EPS15: variants seen among roughly 807,000 people sequenced by gnomAD.
The protein encoded by EPS15 is epidermal growth factor receptor pathway substrate 15.
Under a neutral mutation model 113.8 loss-of-function variants are expected in EPS15, and 72 were observed. The observed-to-expected ratio is 0.63, with a 90% CI of 0.52 to 0.77. The LOEUF is 0.77. Among genes scored for constraint, EPS15 ranks in the 30% least tolerant of loss-of-function variants. The pLI is 0.00. For synonymous variants in EPS15, 344 were observed against 363.4 expected (o/e 0.95, Z 0.61); for missense variants, 1,048 against 1,045.8 (o/e 1.00, Z -0.03).
At position 51,366,154 on chromosome 1, in the gene EPS15, A is replaced by G. The variant is rs1646503668; in HGVS notation, c.2120-125T>C. On this transcript the variant is annotated intron_variant, in intron 21 of 24. Coordinates refer to ENST00000371733, the MANE Select transcript of EPS15 (RefSeq NM_001981.3). The stretch of plus-strand genomic sequence containing the variant: ...ACGATCATGGCTCACTGCAGCCTCA[A>G]TCTCCCAGGCTCAAGTGATCCTCCC... The G allele has an allele frequency of 6.6e-6, 4 of 602,840 alleles. No homozygotes were observed. The South Asian group carries it at 8.8e-5, about 13-fold the overall frequency. 37.3% of individuals were successfully genotyped at this position (602,840 alleles called of 1,614,324 possible).
chr1:51,399,138 C>A lies in EPS15; in HGVS notation c.1946G>T (p.Gly649Val), dbSNP rs1167622071. 3.1e-6 allele frequency: 5 copies of A among 1,613,926 alleles called. No individual in the cohort carries two copies. Among genetic ancestry groups the A allele is most frequent in the Non-Finnish European group, 4.2e-6 (5 of 1,179,932 alleles). Residue 649 changes from glycine (G) to valine (V), a missense_variant, in exon 20 of 25, where the codon GGT (glycine) becomes GTT (valine). Physicochemically the swap from Gly to Val is moderately radical, Grantham distance 109. Coordinates refer to ENST00000371733, the MANE Select transcript of EPS15 (RefSeq NM_001981.3). The part of the protein sequence containing the change: ...IDPFGGDPFK[G>V]SDPFASDCFF... ...ACAGTCTGATGCAAATGGATCTGAA[C>A]CTTTGAAAGGATCACCACCAAATGG...
chr1:51,389,220 C>T lies in EPS15; in HGVS notation c.2119+5161G>A, dbSNP rs1345794280. 2.0e-5 allele frequency among the ~76,000 whole-genome samples: 3 copies of T among 152,314 alleles called. No homozygotes were observed. The East Asian group carries it at 5.8e-4, about 29-fold the overall frequency. ...TAAACAGAACCAAAGACAAAAACCA[C>T]ATGATTATCTCAATAGATGCAGAAA... On this transcript the variant is annotated intron_variant, in intron 21 of 24. Transcript: ENST00000371733.
intron 1 of EPS15, among the ~76,000 whole-genome samples, chr1:51,496,656 T>C (rs955966579): frequency 1.3e-5 from 2 of 152,212 alleles, no homozygotes; most frequent in South Asian, 2.1e-4. Context: ...CTTCATATAA[T>C]TTAGGCCTCA....
intron 21 of EPS15, among the ~76,000 whole-genome samples, chr1:51,377,871 G>A (rs1294854024): frequency 1.3e-5 from 2 of 149,686 alleles, no homozygotes; most frequent in African/African-American, 4.9e-5. Context: ...ATTACAATTT[G>A]TTGAAGGCTC....
intron 8 of EPS15, among the ~76,000 whole-genome samples, chr1:51,454,760 A>T (rs1011720865): frequency 6.6e-6 from 1 of 152,230 alleles, no homozygotes; most frequent in African/African-American, 2.4e-5. Flanking sequence ...AACTGGCGAA[A>T]CCCAAATAAA....
intron 2 of EPS15, among the ~76,000 whole-genome samples, chr1:51,479,279 C>T (rs563568408): frequency 6.6e-6 from 1 of 152,254 alleles, no homozygotes; most frequent in Admixed American, 6.5e-5. Flanking sequence ...TCACGTAGTT[C>T]TCGTGCCATG....
intron 13 of EPS15, among the ~76,000 whole-genome samples, chr1:51,417,944 C>T (rs1458156113): frequency 6.6e-6 from 1 of 152,074 alleles, no homozygotes. Flanking sequence ...AGTAAAGATT[C>T]CCACATCTGA....
chr1:51,513,253 T>C (rs79520183), intron 1 of EPS15, among the ~76,000 whole-genome samples: 6,719 of 152,272 alleles, frequency 0.044, 226 homozygotes, highest in Middle Eastern at 0.11. Flanking sequence ...CACTGCAGCA[T>C]AGTTGTAACA....
At chr1:51,488,992 G>C (rs72691881) in intron 1 of EPS15, among the ~76,000 whole-genome samples, 2 of 151,786 alleles carry the variant, frequency 1.3e-5, no homozygotes, top group East Asian at 3.9e-4. Flanking sequence ...GGAAAACATG[G>C]GAAAAATACA....
chr1:51,387,191 A>C (rs563979896), intron 21 of EPS15, among the ~76,000 whole-genome samples: 2 of 152,330 alleles, frequency 1.3e-5, no homozygotes, highest in Admixed American at 6.5e-5. Context: ...AAGAATTTTC[A>C]ACCCAGAATT....
intron 1 of EPS15, among the ~76,000 whole-genome samples, chr1:51,517,971 A>T (rs1644756030): frequency 6.6e-6 from 1 of 152,166 alleles, no homozygotes; most frequent in Admixed American, 6.5e-5. Flanking sequence ...TGTTTGCCCT[A>T]TCCCAGCGCT....
intron 21 of EPS15, among the ~76,000 whole-genome samples, chr1:51,380,976 A>G (rs1646927302): frequency 6.6e-6 from 1 of 152,254 alleles, no homozygotes; most frequent in Non-Finnish European, 1.5e-5. Context: ...GGGTCAATTT[A>G]CCAATATGAT....
intron 1 of EPS15, among the ~76,000 whole-genome samples, chr1:51,501,220 C>G (rs1039474628): frequency 4.6e-5 from 7 of 151,772 alleles, no homozygotes; most frequent in African/African-American, 1.7e-4. Flanking sequence ...CCAGCCTGGC[C>G]AACATGGGGA....
intron 8 of EPS15, among the ~76,000 whole-genome samples, chr1:51,456,311 T>C (rs748564934): frequency 6.6e-6 from 1 of 152,208 alleles, no homozygotes; most frequent in East Asian, 1.9e-4. Flanking sequence ...CTCTTTAACT[T>C]CATTTTCATT....
At chr1:51,515,259 A>T (rs960930020) in intron 1 of EPS15, among the ~76,000 whole-genome samples, 53 of 130,464 alleles carry the variant, frequency 4.1e-4, no homozygotes, top group African/African-American at 1.1e-3. Context: ...TTATTACTTT[A>T]AAAAAAAAAA....
At chr1:51,519,138 G>C (rs1557548480) in intron 1 of EPS15, 61 bp downstream of exon 1, 1 of 1,234,276 alleles carries the variant, frequency 8.1e-7, no homozygotes, top group Non-Finnish European at 1.1e-6. Flanking sequence ...CGGCGAAGCT[G>C]AGGGCGGTGG....
At chr1:51,463,513 A>G (rs1654627146) in intron 7 of EPS15, 160 bp downstream of exon 7, 1 of 488,274 alleles carries the variant, frequency 2.0e-6, no homozygotes, top group Non-Finnish European at 3.6e-6. Context: ...TATGCTGGCA[A>G]TAATTTTATA....
intron 1 of EPS15, among the ~76,000 whole-genome samples, chr1:51,510,520 T>C (rs1644601081): frequency 1.3e-5 from 2 of 152,222 alleles, no homozygotes; most frequent in East Asian, 3.8e-4. Flanking sequence ...ATCAGTCCTC[T>C]TCCTTCTCAA....
intron 13 of EPS15, among the ~76,000 whole-genome samples, chr1:51,420,211 G>A (rs116531637): frequency 1.4e-3 from 218 of 152,160 alleles, no homozygotes; most frequent in African/African-American, 5.0e-3. Context: ...AGCAAATCAC[G>A]GAGAAATTCT....
Sources: gnomAD v4.1 joint callset for allele counts (sites outside exome capture counted in the v4.1 genomes callset) on GRCh38, gnomAD v4.1.1 for gene constraint, MANE v1.5 for transcripts, NCBI Gene and HGNC (gene_info 2026-07-23, HGNC 2026-07-21) for gene names.